Variants in PANX1 observed in about 807,000 individuals in gnomAD.
The protein encoded by PANX1 is pannexin 1.
PANX1 carries 30 observed loss-of-function variants against 38.7 expected under a neutral mutation model. The ratio of observed to expected loss-of-function variants is 0.78; its 90% confidence interval spans 0.58 to 1.05. The LOEUF (loss-of-function observed/expected upper bound fraction) is 1.05, where lower values mean the gene tolerates loss of function less well. PANX1 is among the 50% of genes least tolerant of loss of function. The pLI is 0.00. For synonymous variants in PANX1, 230 were observed against 212.2 expected, an observed-to-expected ratio of 1.08 and a Z score of -0.73; for missense variants, 551 against 517.2, an observed-to-expected ratio of 1.07 and a Z score of -0.63.
intron 1 of PANX1, among the ~76,000 whole-genome samples, chr11:94,147,415 A>G (rs956311928): frequency 6.6e-6 from 1 of 151,992 alleles, no homozygotes; most frequent in Non-Finnish European, 1.5e-5. Flanking sequence ...TGACATTTAC[A>G]TTGGAATTAT....
At chr11:94,142,360 C>T (rs563233803) in intron 1 of PANX1, among the ~76,000 whole-genome samples, 5 of 152,292 alleles carry the variant, frequency 3.3e-5, no homozygotes, top group African/African-American at 1.2e-4. Context: ...AACACAGCTC[C>T]TCACCCTCAC....
intron 1 of PANX1, among the ~76,000 whole-genome samples, chr11:94,143,305 T>C (rs1946784822): frequency 6.6e-6 from 1 of 152,192 alleles, no homozygotes; most frequent in Non-Finnish European, 1.5e-5. Context: ...GAGGCCTGCT[T>C]TCATGATGTG....
intron 2 of PANX1, among the ~76,000 whole-genome samples, chr11:94,173,252 G>A (rs187047553): frequency 6.6e-6 from 1 of 151,676 alleles, no homozygotes; most frequent in Non-Finnish European, 1.5e-5. Context: ...ACCCTTAAAT[G>A]TTATAGGGTC....
chr11:94,152,481 A>C (rs1169720868), intron 1 of PANX1, among the ~76,000 whole-genome samples: 2 of 152,142 alleles, frequency 1.3e-5, no homozygotes, highest in Non-Finnish European at 2.9e-5. Flanking sequence ...GCTGTGATGG[A>C]TGTGGAAGAG....
chr11:94,137,268 T>C (rs1388793853), intron 1 of PANX1, among the ~76,000 whole-genome samples: 2 of 151,970 alleles, frequency 1.3e-5, no homozygotes, highest in Admixed American at 1.3e-4. Context: ...CATGCCACTG[T>C]ACTCCAGCCT....
chr11:94,161,906 G>T (rs1393605436), intron 2 of PANX1, among the ~76,000 whole-genome samples: 6 of 152,116 alleles, frequency 3.9e-5, no homozygotes, highest in Non-Finnish European at 8.8e-5. Flanking sequence ...TGGTGTGGAT[G>T]TCCTTTCTCT....
intron 1 of PANX1, among the ~76,000 whole-genome samples, chr11:94,142,669 T>C (rs1946776983): frequency 6.6e-6 from 1 of 152,276 alleles, no homozygotes; most frequent in Non-Finnish European, 1.5e-5. Flanking sequence ...CTGCCTCCAC[T>C]GGACTGTAAG....
At chr11:94,165,531 G>A (rs754557584) in intron 2 of PANX1, among the ~76,000 whole-genome samples, 4 of 152,102 alleles carry the variant, frequency 2.6e-5, no homozygotes, top group Non-Finnish European at 4.4e-5. Flanking sequence ...TTTATTTTTT[G>A]TGTATCTATT....
intron 1 of PANX1, among the ~76,000 whole-genome samples, chr11:94,131,892 A>C (rs1484463427): frequency 6.6e-6 from 1 of 152,194 alleles, no homozygotes. Flanking sequence ...GGGAGAATGA[A>C]GTAATTGAAA....
At chr11:94,165,472 A>C (rs1947092429) in intron 2 of PANX1, among the ~76,000 whole-genome samples, 1 of 152,216 alleles carries the variant, frequency 6.6e-6, no homozygotes, top group Non-Finnish European at 1.5e-5. Flanking sequence ...TAACAATATT[A>C]ACTTTAAATG....
intron 2 of PANX1, among the ~76,000 whole-genome samples, chr11:94,154,314 G>A (rs1212792589): frequency 6.6e-6 from 1 of 152,196 alleles, no homozygotes; most frequent in Non-Finnish European, 1.5e-5. Context: ...GGTGGCAGGG[G>A]ATGCAGTGAG....
At chr11:94,156,629 C>G (rs1946951497) in intron 2 of PANX1, among the ~76,000 whole-genome samples, 2 of 151,950 alleles carry the variant, frequency 1.3e-5, no homozygotes, top group South Asian at 4.2e-4. Context: ...GGTCTACTTG[C>G]CTGCCAGAAG....
chr11:94,152,902 G>A (rs190563591), intron 1 of PANX1, among the ~76,000 whole-genome samples: 1 of 152,140 alleles, frequency 6.6e-6, no homozygotes, highest in East Asian at 1.9e-4. Flanking sequence ...GTTTGCAGTC[G>A]TGAGCGTTTC....
At chr11:94,179,188 C>T (rs1292851138) in intron 3 of PANX1, among the ~76,000 whole-genome samples, 1 of 152,174 alleles carries the variant, frequency 6.6e-6, no homozygotes, top group Non-Finnish European at 1.5e-5. Flanking sequence ...CACTTTTATT[C>T]TGGATAAAAA....
In PANX1 at chr11:94,129,798, A is replaced by G. The variant is rs143420315; in HGVS notation, c.181+305A>G. 4.9e-4 allele frequency among the ~76,000 whole-genome samples: 74 copies of G among 152,278 alleles called. 1 individual carries two copies. The highest frequency in any genetic ancestry group is 9.0e-4 in the Non-Finnish European group (61 of 68,018). ...TGGCACCTTGCCACCAGATTTGCCA[A>G]GAATAGCTGTGTCCCCGTTTTTCAC... is the stretch of plus-strand genomic sequence containing the variant. On this transcript the variant is annotated intron_variant, in intron 1 of 4. Coordinates refer to ENST00000227638, the MANE Select transcript of PANX1 (RefSeq NM_015368.4).
chr11:94,131,064 T>A (rs747577021), intron 1 of PANX1, among the ~76,000 whole-genome samples: 25 of 152,174 alleles, frequency 1.6e-4, no homozygotes, highest in Admixed American at 3.9e-4. Context: ...CTGGAGATAA[T>A]CTCTCCCTTT....
intron 1 of PANX1, among the ~76,000 whole-genome samples, chr11:94,143,827 C>A (rs963553171): frequency 1.3e-5 from 2 of 151,920 alleles, no homozygotes; most frequent in Non-Finnish European, 2.9e-5. Context: ...CGGCTCACTG[C>A]AGCCTTGACC....
chr11:94,132,295 C>A (rs370776372), intron 1 of PANX1, among the ~76,000 whole-genome samples: 1 of 152,146 alleles, frequency 6.6e-6, no homozygotes, highest in Non-Finnish European at 1.5e-5. Context: ...CCTCCTAATG[C>A]AGGATTCATG....
At chr11:94,134,734 C>G (rs968599525) in intron 1 of PANX1, among the ~76,000 whole-genome samples, 2 of 151,054 alleles carry the variant, frequency 1.3e-5, no homozygotes, top group African/African-American at 2.4e-5. Flanking sequence ...CCCTCTTCCT[C>G]TCTCCACAAG....
Sources: gnomAD v4.1 joint callset for allele counts (sites outside exome capture counted in the v4.1 genomes callset) on GRCh38, gnomAD v4.1.1 for gene constraint, MANE v1.5 for transcripts, NCBI Gene and HGNC (gene_info 2026-07-23, HGNC 2026-07-21) for gene names.